The following NSUN4 variants were observed in gnomAD, a reference collection of about 807,000 sequenced individuals.
NSUN4 encodes 5-cytosine rRNA methyltransferase NSUN4.
A neutral mutation model predicts 43.8 loss-of-function variants in NSUN4; 31 were observed. The ratio of observed to expected loss-of-function variants is 0.71; its 90% CI spans 0.53 to 0.96. NSUN4 has a LOEUF of 0.96. Ranked by LOEUF, NSUN4 falls within the 40% of genes least tolerant of loss-of-function variation. NSUN4 has a pLI of 0.00. For missense variants in NSUN4, 439 were observed against 475.6 expected (o/e 0.92, Z 0.72); for synonymous variants, 167 against 184.1 (o/e 0.91, Z 0.75).
At chr1:46,360,243 A>ATATAT (rs1663741013) in intron 4 of NSUN4, among the ~76,000 whole-genome samples, 1 of 37,956 alleles carries the variant, frequency 2.6e-5, no homozygotes, top group African/African-American at 9.3e-5. Flanking sequence ...AAAAAAAAAA[A>ATATAT]AAAAAAATAT....
chr1:46,361,444 A>G (rs1272662766), intron 5 of NSUN4, 126 bp from the exon 6 acceptor site: 1 of 805,246 alleles, frequency 1.2e-6, no homozygotes, highest in African/African-American at 1.7e-5. Flanking sequence ...AAGGGACTTG[A>G]GAGGCAGTCT....
chr1:46,358,762 T>C (rs1487658795), intron 4 of NSUN4, among the ~76,000 whole-genome samples: 1 of 152,184 alleles, frequency 6.6e-6, no homozygotes, highest in East Asian at 1.9e-4. Context: ...TCTCTGTCCT[T>C]GCTGTTTTGT....
chr1:46,376,136 G>C, the NSUN4 span, among the ~76,000 whole-genome samples: 1 of 149,486 alleles, frequency 6.7e-6, no homozygotes, highest in African/African-American at 2.5e-5. Flanking sequence ...GGCCAGGTGC[G>C]GTGGCTCATG....
intron 3 of NSUN4, among the ~76,000 whole-genome samples, chr1:46,351,235 A>G (rs908124181): frequency 6.6e-6 from 1 of 152,146 alleles, no homozygotes; most frequent in Non-Finnish European, 1.5e-5. Flanking sequence ...GTGGTGGCGC[A>G]TGCCTGTAAT....
At chr1:46,350,727 T>C (rs1662913749) in intron 3 of NSUN4, among the ~76,000 whole-genome samples, 1 of 143,064 alleles carries the variant, frequency 7.0e-6, no homozygotes, top group South Asian at 2.1e-4. Flanking sequence ...AGCTGAGATA[T>C]AGGCACTCCA....
chr1:46,371,308 C>CTT, the NSUN4 span, among the ~76,000 whole-genome samples: 2 of 127,826 alleles, frequency 1.6e-5, no homozygotes. Flanking sequence ...TTCTTTTTTA[C>CTT]TTTTTTTTTT....
At chr1:46,360,932 G>A in intron 5 of NSUN4, 104 bp downstream of exon 5, 1 of 1,305,716 alleles carries the variant, frequency 7.7e-7, no homozygotes, top group Non-Finnish European at 1.1e-6. Context: ...AGAATCTTAT[G>A]GCTGGAGATC....
chr1:46,341,055 C>A, intron 1 of NSUN4, 136 bp downstream of exon 1: 1 of 1,106,316 alleles, frequency 9.0e-7, no homozygotes, highest in Non-Finnish European at 1.3e-6. Context: ...CTCCCTCTCT[C>A]GTCTTTTCCG....
chr1:46,370,604 A>T, the NSUN4 span: 3 of 148,700 alleles, frequency 2.0e-5, no homozygotes, highest in Admixed American at 2.0e-4. Context: ...ACACAATCTC[A>T]GATCAGTATA....
chr1:46,347,293 C>T (rs1662581853), intron 3 of NSUN4, among the ~76,000 whole-genome samples: 1 of 152,136 alleles, frequency 6.6e-6, no homozygotes, highest in Admixed American at 6.6e-5. Flanking sequence ...CATAAATTAG[C>T]TGGGTGTGGT....
intron 5 of NSUN4, 141 bp downstream of exon 5, chr1:46,360,969 A>C: frequency 1.1e-6 from 1 of 940,712 alleles, no homozygotes; most frequent in South Asian, 1.5e-5. Flanking sequence ...AAATGGGATC[A>C]TCTCTGGAAC....
intron 3 of NSUN4, among the ~76,000 whole-genome samples, chr1:46,348,707 C>G (rs1271091562): frequency 3.3e-5 from 2 of 60,936 alleles, no homozygotes; most frequent in African/African-American, 1.3e-4. Flanking sequence ...AAAACTCTGT[C>G]TCAAAAAAAA....
At chr1:46,355,636 T>C (rs1023675735) in intron 4 of NSUN4, among the ~76,000 whole-genome samples, 3 of 152,214 alleles carry the variant, frequency 2.0e-5, no homozygotes, top group Admixed American at 6.5e-5. Context: ...TAGCTACTTA[T>C]TTTAGAACAA....
In NSUN4 at chr1:46,361,901, A is replaced by G. The variant is rs1204859167; in HGVS notation, c.*55A>G. ...AAGGGTATACTCTGTTGGATGCACCAGAAACTGGAAACTGGGACCAGTGGC... is the reference window on the plus strand; with the variant it reads ...AAGGGTATACTCTGTTGGATGCACCGGAAACTGGAAACTGGGACCAGTGGC... On this transcript the variant is annotated 3_prime_UTR_variant, in exon 6 of 6. Coordinates refer to ENST00000474844, the MANE Select transcript of NSUN4 (RefSeq NM_199044.4). 4 of 1,501,632 alleles carry G rather than the reference A, an allele frequency of 2.7e-6. No homozygotes were observed. In the African/African-American group the frequency reaches 5.5e-5, roughly 21 times the overall value. 93.0% of individuals were successfully genotyped at this position (1,501,632 alleles called of 1,614,324 possible).
chr1:46,379,700 A>C, the NSUN4 span, among the ~76,000 whole-genome samples: 1 of 152,180 alleles, frequency 6.6e-6, no homozygotes, highest in Non-Finnish European at 1.5e-5. Flanking sequence ...TTTATTTCTT[A>C]CAGTTCTAGA....
chr1:46,369,794 A>C, downstream of NSUN4, among the ~76,000 whole-genome samples: 1 of 152,208 alleles, frequency 6.6e-6, no homozygotes, highest in Non-Finnish European at 1.5e-5. Context: ...CCAACCTACA[A>C]CAGGGCTTTC....
rs926711549 is a variant in NSUN4 at position 46,341,618 on chromosome 1, G to A, written c.93+699G>A. On this transcript the variant is annotated intron_variant, in intron 1 of 5. Coordinates refer to ENST00000474844, the MANE Select transcript of NSUN4 (RefSeq NM_199044.4). ...GCACGCCCCCCTGCCCACCCCAGCCGATTCCCTCGCCACCTCCACCATCTC... is the reference window on the plus strand; with the variant it reads ...GCACGCCCCCCTGCCCACCCCAGCCAATTCCCTCGCCACCTCCACCATCTC... 3.4e-5 allele frequency: 40 copies of A among 1,161,382 alleles called. No individual in the cohort carries two copies. In the African/African-American group the frequency reaches 5.6e-4, roughly 16 times the overall value. The allele number at this position is 1,161,382 out of a possible 1,614,324, so 71.9% of individuals were successfully genotyped here.
chr1:46,347,605 G>C (rs1205963349), intron 3 of NSUN4, among the ~76,000 whole-genome samples: 6 of 152,162 alleles, frequency 3.9e-5, no homozygotes, highest in Admixed American at 3.3e-4. Flanking sequence ...TTGAAGTAGG[G>C]CTCTGATCAG....
Position 46,364,108 on chromosome 1 carries a change from A to G in NSUN4, c.*2262A>G, listed in dbSNP as rs1664038308. On this transcript the variant is annotated 3_prime_UTR_variant, in exon 6 of 6. Transcript: ENST00000474844. ...CACTTGATCCCAGGAATTCTAGATC[A>G]GCTTGGACAATGTAGTGAGACCTGG... 1 of 149,682 alleles carries G rather than the reference A, an allele frequency of 6.7e-6. No individual in the cohort carries two copies. Among genetic ancestry groups the G allele is most frequent in the Non-Finnish European group, 1.5e-5 (1 of 67,716 alleles). 9.3% of individuals were successfully genotyped at this position (149,682 alleles called of 1,614,324 possible).
Sources: gnomAD v4.1 joint callset for allele counts (sites outside exome capture counted in the v4.1 genomes callset) on GRCh38, gnomAD v4.1.1 for gene constraint, MANE v1.5 for transcripts, NCBI Gene and HGNC (gene_info 2026-07-23, HGNC 2026-07-21) for gene names.